RBFOX1: variants seen among roughly 807,000 people sequenced by gnomAD.
The protein encoded by RBFOX1 is RNA binding protein fox-1 homolog 1.
Under a neutral mutation model 57.7 loss-of-function variants are expected in RBFOX1, and 8 were observed. The observed-to-expected ratio is 0.14, with a 90% CI of 0.08 to 0.25. RBFOX1 has a LOEUF of 0.25. RBFOX1 is among the 10% of genes least tolerant of loss of function. The pLI is 1.00. For synonymous variants in RBFOX1, 326 were observed against 222.4 expected (o/e 1.47, Z -4.15); for missense variants, 611 against 548.5 (o/e 1.11, Z -1.14).
intron 4 of RBFOX1, among the ~76,000 whole-genome samples, chr16:7,370,179 T>A (rs2097540992): frequency 6.6e-6 from 1 of 152,164 alleles, no homozygotes; most frequent in Non-Finnish European, 1.5e-5. Flanking sequence ...ACCCCTTCCC[T>A]CATTATGACA....
At chr16:5,623,486 C>G (rs941028247) in intron 3 of RBFOX1, among the ~76,000 whole-genome samples, 1 of 152,186 alleles carries the variant, frequency 6.6e-6, no homozygotes, top group Non-Finnish European at 1.5e-5. Flanking sequence ...ATGCTAAGTG[C>G]TGGACAGGCC....
chr16:7,469,309 GC>G (rs2061121265), intron 4 of RBFOX1, among the ~76,000 whole-genome samples: 1 of 151,840 alleles, frequency 6.6e-6, no homozygotes, highest in African/African-American at 2.4e-5. Flanking sequence ...TGATCTGCCC[GC>G]CTCGGCCTCC....
intron 4 of RBFOX1, among the ~76,000 whole-genome samples, chr16:7,378,807 G>A (rs897211516): frequency 6.6e-6 from 1 of 152,180 alleles, no homozygotes; most frequent in African/African-American, 2.4e-5. Context: ...AGTCAGCCTG[G>A]CTCCTTGGCC....
intron 9 of RBFOX1, among the ~76,000 whole-genome samples, chr16:7,598,582 C>A (rs1028109740): frequency 2.0e-5 from 3 of 151,604 alleles, no homozygotes; most frequent in Admixed American, 6.6e-5. Context: ...TTTCCTACCT[C>A]CCCCCTCACA....
chr16:7,442,636 G>A (rs1380882939), intron 4 of RBFOX1, among the ~76,000 whole-genome samples: 3 of 152,112 alleles, frequency 2.0e-5, no homozygotes, highest in Non-Finnish European at 4.4e-5. Flanking sequence ...ATTTTTGATA[G>A]GATTTGCACT....
At chr16:6,036,711 T>G (rs2095370085) in intron 1 of RBFOX1, among the ~76,000 whole-genome samples, 1 of 152,200 alleles carries the variant, frequency 6.6e-6, no homozygotes, top group South Asian at 2.1e-4. Flanking sequence ...CTATTTCCTC[T>G]TCTGAGAAAG....
At chr16:7,259,541 TAGTC>T (rs879290397) in intron 4 of RBFOX1, among the ~76,000 whole-genome samples, 70 of 151,464 alleles carry the variant, frequency 4.6e-4, no homozygotes, top group Admixed American at 6.6e-4. Context: ...AAACAGGAGA[TAGTC>T]AGTATAAATC....
intron 5 of RBFOX1, among the ~76,000 whole-genome samples, chr16:7,573,170 G>A (rs1292374557): frequency 6.6e-6 from 1 of 152,156 alleles, no homozygotes; most frequent in African/African-American, 2.4e-5. Context: ...AAGAGGGCAA[G>A]CTACAGGTGG....
intron 4 of RBFOX1, among the ~76,000 whole-genome samples, chr16:7,111,788 A>G (rs188240052): frequency 1.9e-4 from 29 of 151,742 alleles, no homozygotes; most frequent in Admixed American, 2.6e-4. Context: ...GTTCTGGCCA[A>G]TCTATTTGAT....
intron 2 of RBFOX1, among the ~76,000 whole-genome samples, chr16:5,575,125 G>C (rs113111235): frequency 0.012 from 1,876 of 152,216 alleles, 13 homozygotes; most frequent in Middle Eastern, 0.037. Flanking sequence ...GTGCCTTTGC[G>C]TTATGAAGGG....
At chr16:7,238,871 T>G (rs887170379) in intron 4 of RBFOX1, among the ~76,000 whole-genome samples, 2 of 152,182 alleles carry the variant, frequency 1.3e-5, no homozygotes, top group African/African-American at 4.8e-5. Flanking sequence ...TAGCTCCCAC[T>G]TATACGTGAG....
At chr16:7,634,630 T>A (rs928698167) in intron 11 of RBFOX1, among the ~76,000 whole-genome samples, 2 of 152,068 alleles carry the variant, frequency 1.3e-5, no homozygotes, top group Admixed American at 1.3e-4. Context: ...CATAAAAGTA[T>A]TAAGAGAAAG....
At chr16:7,657,808 C>G (rs1418263265) in intron 12 of RBFOX1, among the ~76,000 whole-genome samples, 1 of 152,030 alleles carries the variant, frequency 6.6e-6, no homozygotes, top group Non-Finnish European at 1.5e-5. Flanking sequence ...ATCATAGGTA[C>G]AAGTGGAAAA....
intron 1 of RBFOX1, among the ~76,000 whole-genome samples, chr16:6,210,672 G>T (rs1033446020): frequency 6.6e-6 from 1 of 151,988 alleles, no homozygotes; most frequent in South Asian, 2.1e-4. Context: ...GCATTGAGCT[G>T]TGATTGTGCC....
Position 7,372,245 on chromosome 16 carries a change from C to A in RBFOX1, c.28-145902C>A, listed in dbSNP as rs547155894. Among the ~76,000 whole-genome samples the A allele has an allele frequency of 2.0e-5, 3 of 152,218 alleles. 1 individual carries two copies. In the East Asian group the frequency reaches 5.8e-4, roughly 30 times the overall value. ...ATTTGGGCCTCGGAGCTGGAGTTCA[C>A]GTAAGGATGAGTAACCACTTCATAC... On this transcript the variant is annotated intron_variant, in intron 4 of 15. Transcript: ENST00000550418.
At chr16:6,235,807 G>A (rs1393387333) in intron 1 of RBFOX1, among the ~76,000 whole-genome samples, 1 of 152,050 alleles carries the variant, frequency 6.6e-6, no homozygotes, top group Non-Finnish European at 1.5e-5. Flanking sequence ...GCTAAGCTAC[G>A]AGGATGCAAA....
At chr16:6,521,409 A>C (rs2096494520) in intron 2 of RBFOX1, among the ~76,000 whole-genome samples, 6 of 141,374 alleles carry the variant, frequency 4.2e-5, no homozygotes, top group African/African-American at 1.1e-4. Context: ...TCCCTTCCTC[A>C]TTTCTTTTTT....
At chr16:5,852,809 G>A (rs1165288812) in intron 3 of RBFOX1, among the ~76,000 whole-genome samples, 2 of 152,128 alleles carry the variant, frequency 1.3e-5, no homozygotes, top group Middle Eastern at 3.4e-3. Context: ...CAGCCTGGGT[G>A]ACAGAGCAAA....
chr16:5,953,789 A>G (rs913463880), intron 4 of RBFOX1, among the ~76,000 whole-genome samples: 3 of 151,648 alleles, frequency 2.0e-5, no homozygotes, highest in African/African-American at 2.4e-5. Context: ...CATTTTTGCA[A>G]TTGTGAATTG....
Sources: allele counts gnomAD v4.1 joint callset (sites outside exome capture counted in the v4.1 genomes callset), GRCh38; gene constraint gnomAD v4.1.1; transcripts MANE v1.5; gene names NCBI Gene and HGNC (gene_info 2026-07-23, HGNC 2026-07-21).